PLCB2: variants seen among roughly 807,000 people sequenced by gnomAD.
PLCB2 encodes the protein phospholipase C beta 2.
Under a neutral mutation model 141.7 loss-of-function variants are expected in PLCB2, and 115 were observed. The observed-to-expected ratio is 0.81, with a 90% CI of 0.70 to 0.95. The LOEUF (loss-of-function observed/expected upper bound fraction) is 0.95, where lower values mean the gene tolerates loss of function less well. Ranked by LOEUF, PLCB2 falls within the 40% of genes least tolerant of loss-of-function variation. The pLI, the probability that PLCB2 is intolerant of heterozygous loss-of-function variation, is 0.00. For synonymous variants in PLCB2, 603 were observed against 595.6 expected (o/e 1.01, Z -0.18); for missense variants, 1,403 against 1,541.1 (o/e 0.91, Z 1.50).
At chr15:40,306,045 T>C (rs2040778250) in intron 1 of PLCB2, among the ~76,000 whole-genome samples, 1 of 152,324 alleles carries the variant, frequency 6.6e-6, no homozygotes. Context: ...AGAGTAAATA[T>C]AATGTCTTGT....
Position 40,297,494 on chromosome 15 carries a change from A to C in PLCB2, c.1323+27T>G, listed in dbSNP as rs775588171. The C allele has an allele frequency of 3.2e-6, 5 of 1,578,326 alleles. No individual in the cohort carries two copies. The highest frequency in any genetic ancestry group is 4.4e-6 in the Non-Finnish European group (5 of 1,147,236). ...CCCCAGGTTCCCAGGCCCAAGGCTC[A>C]AATGTCCCACAGCGAAGCCCACTCA... On this transcript the variant is annotated intron_variant, in intron 13 of 31. Transcript: ENST00000260402. This position sits in a 1 kb window ranked among gnomAD's most constrained non-coding sequence, Gnocchi z 4.2.
rs1297902453 is a variant in PLCB2 at position 40,294,423 on chromosome 15, G to T, written c.1907-3C>A. 6.2e-7 allele frequency: 1 copy of T among 1,613,926 alleles called. No homozygotes were observed. The highest frequency in any genetic ancestry group is 8.5e-7 in the Non-Finnish European group (1 of 1,180,022). Reference sequence around the variant, plus strand: ...CATGTTCTGCTGCATGGGCAAGTCTGGAGGGACAAGGACACTCAGTGAGGA... The same window carrying T: ...CATGTTCTGCTGCATGGGCAAGTCTTGAGGGACAAGGACACTCAGTGAGGA... On this transcript the variant is annotated splice_region_variant and splice_polypyrimidine_tract_variant and intron_variant, in intron 18 of 31. Transcript: ENST00000260402.
chr15:40,291,007 C>T lies in PLCB2; in HGVS notation c.3036+11G>A. 2 of 1,589,330 alleles carry T rather than the reference C, an allele frequency of 1.3e-6. No individual in the cohort carries two copies. Among genetic ancestry groups the T allele is most frequent in the South Asian group, 2.2e-5 (2 of 89,680 alleles). ...GGCTGGTGGGGTTGTCGCCCTGCCC[C>T]TCCCGGCCACCTCGGCCACGTGCTG... On this transcript the variant is annotated intron_variant, in intron 27 of 31. Coordinates refer to ENST00000260402, the MANE Select transcript of PLCB2 (RefSeq NM_004573.3).
chr15:40,287,395 A>G (rs149439139), downstream of PLCB2, among the ~76,000 whole-genome samples: 393 of 152,170 alleles, frequency 2.6e-3, 2 homozygotes, highest in African/African-American at 9.0e-3. Flanking sequence ...CCCAGAATCA[A>G]TCCCCCTCTG....
Position 40,297,623 on chromosome 15 carries a change from G to A in PLCB2, c.1239-18C>T, listed in dbSNP as rs41277680. 0.038 allele frequency: 61,028 copies of A among 1,605,030 alleles called. 1,410 individuals carry two copies. The highest frequency in any genetic ancestry group is 0.064 in the Middle Eastern group (386 of 6,050). ...GGCGGGGTCTGCGGGGAGCAAAAGC[G>A]GGGATGGGGTTCAGCCGCTCAGCAC... On this transcript the variant is annotated intron_variant, in intron 12 of 31. Coordinates refer to ENST00000260402, the MANE Select transcript of PLCB2 (RefSeq NM_004573.3). The surrounding 1 kb of genome is among the most constrained non-coding windows in gnomAD (Gnocchi z 4.2).
intron 21 of PLCB2, 39 bp downstream of exon 21, chr15:40,292,887 G>T: frequency 7.4e-7 from 1 of 1,357,094 alleles, no homozygotes; most frequent in Non-Finnish European, 1.0e-6. Context: ...ACAGGCTCCT[G>T]CTGCTGATCT....
chr15:40,288,626 G>C lies in PLCB2; in HGVS notation c.*89C>G, dbSNP rs1013883550. ...CCACAGGTTCCCACAGCCTCAGAAG[G>C]CTGGGGCTCCTTTTTCCTGGGGGAA... On this transcript the variant is annotated 3_prime_UTR_variant, in exon 32 of 32. Transcript: ENST00000260402. The C allele has an allele frequency of 1.9e-5, 27 of 1,435,442 alleles. No homozygotes were observed. The African/African-American group carries it at 3.4e-4, about 18-fold the overall frequency. 88.9% of individuals were successfully genotyped at this position (1,435,442 alleles called of 1,614,324 possible). A position where few individuals can be genotyped will look rare whatever the true frequency, so the allele number is the denominator to read the frequency against.
chr15:40,285,900 C>T (rs1481238845), downstream of PLCB2: 1 of 985,340 alleles, frequency 1.0e-6, no homozygotes, highest in African/African-American at 1.7e-5. Flanking sequence ...CATTTCTGTT[C>T]CTGTTCCTCC....
At chr15:40,305,647 G>C (rs1017229439) in intron 1 of PLCB2, among the ~76,000 whole-genome samples, 6 of 152,180 alleles carry the variant, frequency 3.9e-5, no homozygotes, top group Admixed American at 1.3e-4. Flanking sequence ...AGAAATGCTG[G>C]GGGGACTTCA....
chr15:40,291,600 C>A lies in PLCB2; in HGVS notation c.2647+6G>T. On this transcript the variant is annotated splice_donor_region_variant and intron_variant, in intron 25 of 31. Transcript: ENST00000260402. ...CCCCGAGATCACCGGGCTCAGCAGG[C>A]CTTACCCGCAGCTTCTTTCATAGCC... 1 of 1,613,378 alleles carries A rather than the reference C, an allele frequency of 6.2e-7. No individual in the cohort carries two copies. Among genetic ancestry groups the A allele is most frequent in the Non-Finnish European group, 8.5e-7 (1 of 1,179,878 alleles).
At chr15:40,298,496 C>A in intron 10 of PLCB2, 66 bp downstream of exon 10, 2 of 1,608,070 alleles carry the variant, frequency 1.2e-6, no homozygotes, top group Non-Finnish European at 1.7e-6. Flanking sequence ...ATGTGGGCAA[C>A]CCCTGTGGAG....
intron 22 of PLCB2, 67 bp from the exon 23 acceptor site, chr15:40,292,225 C>G: frequency 4.6e-6 from 7 of 1,518,908 alleles, no homozygotes; most frequent in Non-Finnish European, 6.4e-6. Flanking sequence ...CTCCCCTGTC[C>G]TCACCCACTC....
rs1223958328 is a variant in PLCB2, at chr15:40,307,755, C to G, written c.-83G>C. 2 of 1,193,358 alleles carry G rather than the reference C, an allele frequency of 1.7e-6. No homozygotes were observed. The highest frequency in any genetic ancestry group is 1.6e-5 in the South Asian group (1 of 63,322). The allele number at this position is 1,193,358 out of a possible 1,614,324, so 73.9% of individuals were successfully genotyped here. A position where few individuals can be genotyped will look rare whatever the true frequency, so the allele number is the denominator to read the frequency against. On this transcript the variant is annotated 5_prime_UTR_variant, in exon 1 of 32. Transcript: ENST00000260402. Reference sequence around the variant, plus strand: ...GAAGGAGGCCAGCCAGGAGGGGGAGCCAAGCTGGGCTCAAATGGCACCCAT... The same window carrying G: ...GAAGGAGGCCAGCCAGGAGGGGGAGGCAAGCTGGGCTCAAATGGCACCCAT...
chr15:40,301,316 G>A (rs754474249), intron 7 of PLCB2: 6 of 543,212 alleles, frequency 1.1e-5, no homozygotes, highest in Non-Finnish European at 2.0e-5. Context: ...GACAGGGGCT[G>A]AGATTCGCTC....
chr15:40,288,705 G>T lies in PLCB2; in HGVS notation c.*10C>A. 3 of 1,575,446 alleles carry T rather than the reference G, an allele frequency of 1.9e-6. No individual in the cohort carries two copies. The highest frequency in any genetic ancestry group is 1.7e-6 in the Non-Finnish European group (2 of 1,154,352). ...ACCTCCTTGCTAAATGTCCCAGTGG[G>T]ATGGGGGCATCAGAGGCGGCTCTCC... On this transcript the variant is annotated 3_prime_UTR_variant, in exon 32 of 32. Coordinates refer to ENST00000260402, the MANE Select transcript of PLCB2 (RefSeq NM_004573.3).
intron 1 of PLCB2, 133 bp downstream of exon 1, chr15:40,307,456 G>T (rs1275411969): frequency 3.8e-6 from 2 of 530,224 alleles, no homozygotes; most frequent in Non-Finnish European, 3.4e-6. Flanking sequence ...AGTGGTGTCA[G>T]CTGCCTGGCC....
intron 3 of PLCB2, among the ~76,000 whole-genome samples, chr15:40,303,085 G>A (rs1461469174): frequency 1.3e-5 from 2 of 152,170 alleles, no homozygotes; most frequent in Admixed American, 6.5e-5. Flanking sequence ...CTCACTGTGC[G>A]CAGTTCTGAA....
At chr15:40,284,378 A>G (rs772238235), downstream of PLCB2, 10 of 389,536 alleles carry the variant, frequency 2.6e-5, no homozygotes, top group Non-Finnish European at 4.7e-5. Context: ...AGAAGACAAC[A>G]CTGGGACTTA....
downstream of PLCB2, among the ~76,000 whole-genome samples, chr15:40,286,867 C>T (rs899663887): frequency 9.2e-5 from 14 of 152,242 alleles, no homozygotes; most frequent in African/African-American, 3.1e-4. Context: ...AGGATTGCAT[C>T]GCCTTCCCCA....
Sources: allele counts gnomAD v4.1 joint callset (sites outside exome capture counted in the v4.1 genomes callset), GRCh38; gene constraint gnomAD v4.1.1; non-coding constraint Gnocchi (gnomAD v3.1); transcripts MANE v1.5; gene names NCBI Gene and HGNC (gene_info 2026-07-23, HGNC 2026-07-21).